COL19A1: variants seen among roughly 807,000 people sequenced by gnomAD.
COL19A1 encodes the protein collagen type XIX alpha 1 chain.
In COL19A1, 159 loss-of-function variants were observed where a neutral mutation model predicts 190.2. The ratio of observed to expected loss-of-function variants is 0.84; its 90% CI spans 0.73 to 0.95. COL19A1 has a LOEUF of 0.95. Among genes scored for constraint, COL19A1 ranks in the 40% least tolerant of loss-of-function variants. The probability of loss-of-function intolerance (pLI) is 0.00; values close to 1 mark genes in which losing one functional copy is unlikely to be tolerated. For missense variants in COL19A1, 1,418 were observed against 1,431.9 expected, an observed-to-expected ratio of 0.99 and a Z score of 0.16; for synonymous variants, 509 against 458.9, an observed-to-expected ratio of 1.11 and a Z score of -1.39.
At chr6:69,901,502 G>A (rs761303299) in intron 4 of COL19A1, among the ~76,000 whole-genome samples, 2 of 152,250 alleles carry the variant, frequency 1.3e-5, no homozygotes, top group Non-Finnish European at 1.5e-5. Flanking sequence ...GATATAATGG[G>A]TGGTTGTTAG....
At chr6:70,204,919 G>A (rs1360879077) in intron 49 of COL19A1, among the ~76,000 whole-genome samples, 1 of 152,040 alleles carries the variant, frequency 6.6e-6, no homozygotes, top group Non-Finnish European at 1.5e-5. Flanking sequence ...TTGGGAGGGT[G>A]GTTTCAAATG....
At chr6:70,029,585 A>G (rs762497323) in intron 12 of COL19A1, among the ~76,000 whole-genome samples, 1 of 152,130 alleles carries the variant, frequency 6.6e-6, no homozygotes, top group Non-Finnish European at 1.5e-5. Context: ...TGATAGGAGC[A>G]CCAGTGTGAC....
chr6:70,061,161 G>A (rs147859189), intron 14 of COL19A1, among the ~76,000 whole-genome samples: 5 of 152,074 alleles, frequency 3.3e-5, no homozygotes, highest in African/African-American at 1.2e-4. Context: ...ATTTTAATTT[G>A]TTAGTTTGGG....
chr6:70,010,404 G>A (rs1777917480), intron 11 of COL19A1, among the ~76,000 whole-genome samples: 1 of 139,494 alleles, frequency 7.2e-6, no homozygotes, highest in South Asian at 2.4e-4. Flanking sequence ...CTCCCAGCGT[G>A]AGCGACGCAG....
chr6:69,878,321 C>G (rs1768272903), intron 1 of COL19A1, among the ~76,000 whole-genome samples: 1 of 151,932 alleles, frequency 6.6e-6, no homozygotes, highest in Non-Finnish European at 1.5e-5. Flanking sequence ...TCAAGTGATT[C>G]TCCTGCCTCA....
chr6:70,031,478 A>G (rs1400027400), intron 12 of COL19A1, among the ~76,000 whole-genome samples: 1 of 151,610 alleles, frequency 6.6e-6, no homozygotes, highest in Non-Finnish European at 1.5e-5. Flanking sequence ...CACCCTTTCC[A>G]GTCTTTGTTA....
chr6:70,001,182 T>C (rs117987590), intron 11 of COL19A1, among the ~76,000 whole-genome samples: 1,934 of 152,292 alleles, frequency 0.013, 23 homozygotes, highest in Non-Finnish European at 0.018. Flanking sequence ...TTGTTGTACA[T>C]GTATGGTCTT....
rs146015062 is a variant in COL19A1, at chr6:69,929,581, A to G, written c.547A>G (p.Ile183Val). The G allele has an allele frequency of 7.0e-4, 1,130 of 1,614,014 alleles. 3 individuals are homozygous for G. Among genetic ancestry groups the G allele is most frequent in the Admixed American group, 3.8e-3 (229 of 59,978 alleles). ...TGGCATTAGTATACAATCCCAGGTC[A>G]TTTCACTTTATATGGATTGTAATTT... is the stretch of plus-strand genomic sequence containing the variant. ...KLGISIQSQVISLYMDCNLIA... is the reference protein window; with the variant it reads ...KLGISIQSQVVSLYMDCNLIA... Residue 183 changes from isoleucine (I) to valine (V), a missense_variant, in exon 6 of 51, where the codon ATT becomes GTT. Transcript: ENST00000620364.
At chr6:70,202,857 A>G (rs1448138701) in intron 49 of COL19A1, among the ~76,000 whole-genome samples, 2 of 152,154 alleles carry the variant, frequency 1.3e-5, no homozygotes, top group Non-Finnish European at 1.5e-5. Flanking sequence ...GTGATTGTCG[A>G]TGTCTTTTTT....
chr6:70,198,673 C>T (rs566912039), intron 48 of COL19A1, among the ~76,000 whole-genome samples: 11 of 152,050 alleles, frequency 7.2e-5, no homozygotes, highest in South Asian at 2.1e-4. Flanking sequence ...GTAAAATATT[C>T]GATATGCTTT....
intron 19 of COL19A1, among the ~76,000 whole-genome samples, chr6:70,138,221 C>T (rs1785992077): frequency 6.6e-6 from 1 of 152,196 alleles, no homozygotes; most frequent in South Asian, 2.1e-4. Context: ...AACAACTGTT[C>T]TCAGTGTACC....
At chr6:70,009,216 C>G (rs1334749072) in intron 11 of COL19A1, among the ~76,000 whole-genome samples, 4 of 151,932 alleles carry the variant, frequency 2.6e-5, no homozygotes, top group African/African-American at 9.7e-5. Flanking sequence ...GAAAGCCCAT[C>G]TTTATTCTTA....
intron 11 of COL19A1, among the ~76,000 whole-genome samples, chr6:69,970,446 T>C (rs1046059331): frequency 6.6e-6 from 1 of 152,222 alleles, no homozygotes. Context: ...GGTTTTGTAC[T>C]TTTACATAGC....
chr6:70,063,762 CAAAT>C (rs1780994595), intron 14 of COL19A1, among the ~76,000 whole-genome samples: 1 of 152,000 alleles, frequency 6.6e-6, no homozygotes, highest in Non-Finnish European at 1.5e-5. Context: ...AGAGAAGAAT[CAAAT>C]AGATGCAATA....
chr6:70,176,996 T>A (rs1451246745), intron 42 of COL19A1, among the ~76,000 whole-genome samples: 1 of 152,236 alleles, frequency 6.6e-6, no homozygotes, highest in Non-Finnish European at 1.5e-5. Context: ...CCCAGTGTTA[T>A]TAGCAGAGCT....
intron 17 of COL19A1, among the ~76,000 whole-genome samples, chr6:70,125,107 A>G (rs2093374): frequency 0.17 from 21,988 of 127,654 alleles, 1,669 homozygotes; most frequent in Middle Eastern, 0.22. Flanking sequence ...TGAGATTGCA[A>G]TTTGTAGTGT....
intron 14 of COL19A1, among the ~76,000 whole-genome samples, chr6:70,064,455 G>A (rs1175177988): frequency 7.2e-5 from 11 of 152,070 alleles, no homozygotes; most frequent in African/African-American, 1.9e-4. Flanking sequence ...TTGATGGGAC[G>A]TATCTCAAAA....
intron 22 of COL19A1, 131 bp from the exon 23 acceptor site, chr6:70,142,636 G>A: frequency 2.9e-6 from 2 of 683,170 alleles, no homozygotes; most frequent in Non-Finnish European, 4.9e-6. Flanking sequence ...GATAAAGTGG[G>A]AAAGTGGGAT....
intron 27 of COL19A1, 129 bp from the exon 28 acceptor site, chr6:70,149,575 C>T: frequency 8.8e-7 from 1 of 1,130,368 alleles, no homozygotes; most frequent in Non-Finnish European, 1.3e-6. Flanking sequence ...TTGCAGTTTT[C>T]CACGTGTGTA....
Sources: gnomAD v4.1 joint callset for allele counts (sites outside exome capture counted in the v4.1 genomes callset) on GRCh38, gnomAD v4.1.1 for gene constraint, MANE v1.5 for transcripts, NCBI Gene and HGNC (gene_info 2026-07-23, HGNC 2026-07-21) for gene names.